NWD2: variants seen among roughly 807,000 people sequenced by gnomAD.
NWD2 encodes the protein NACHT and WD repeat domain containing 2, also known as NACHT and WD repeat domain-containing protein 2.
NWD2 carries 37 observed loss-of-function variants against 132.7 expected under a neutral mutation model. That is an observed-to-expected ratio of 0.28 (90% CI 0.21 to 0.37). The LOEUF is 0.37. Among genes scored for constraint, NWD2 ranks in the 10% least tolerant of loss-of-function variants. NWD2 has a pLI of 1.00. For missense variants in NWD2, 1,592 were observed against 2,122.4 expected (o/e 0.75, Z 4.91); for synonymous variants, 705 against 803.0 (o/e 0.88, Z 2.06).
At chr4:37,383,761 T>TA (rs1295314277) in intron 3 of NWD2, among the ~76,000 whole-genome samples, 2 of 152,174 alleles carry the variant, frequency 1.3e-5, no homozygotes, top group African/African-American at 2.4e-5. Flanking sequence ...CCATGGCTCT[T>TA]ACTTTGGACT....
At chr4:37,282,446 A>T (rs1718147023) in intron 1 of NWD2, among the ~76,000 whole-genome samples, 1 of 152,200 alleles carries the variant, frequency 6.6e-6, no homozygotes. Flanking sequence ...ATTTTTGCAC[A>T]GTAAATAGAG....
chr4:37,318,318 G>T (rs115491606), intron 1 of NWD2, among the ~76,000 whole-genome samples: 1 of 152,064 alleles, frequency 6.6e-6, no homozygotes, highest in Admixed American at 6.6e-5. Context: ...GAGCCACTGC[G>T]CCTGGCCAAT....
Position 37,444,649 on chromosome 4 carries a change from G to C in NWD2, c.2661G>C (p.Lys887Asn). 6.4e-7 allele frequency: 1 copy of C among 1,552,232 alleles called. No homozygotes were observed. Among genetic ancestry groups the C allele is most frequent in the Non-Finnish European group, 8.7e-7 (1 of 1,147,124 alleles). ...TGGCTTACAACTACTCGCAAGAGAA[G>C]GAGCTGAAGTTCCTGGCCAACACCC... is the stretch of plus-strand genomic sequence containing the variant. ...IELAYNYSQE[K>N]ELKFLANTLR... is the part of the protein sequence containing the mutation. Residue 887 changes from lysine (K) to asparagine (N), a missense_variant, in exon 7 of 7, where the codon AAG (lysine) becomes AAC (asparagine). By Grantham distance (94) the Lys-to-Asn change is moderately conservative. Around this residue, in one of 7 missense-constraint regions of NWD2, gnomAD observed 1,071 missense variants for 1,398.0 expected, o/e 0.77. Transcript: ENST00000309447. This position sits in a 1 kb window ranked among gnomAD's most constrained non-coding sequence, Gnocchi z 4.8.
chr4:37,370,665 C>T (rs1315329948), intron 3 of NWD2, among the ~76,000 whole-genome samples: 1 of 152,194 alleles, frequency 6.6e-6, no homozygotes, highest in African/African-American at 2.4e-5. Flanking sequence ...ATAGCAGTCT[C>T]AGTGAAGTAC....
chr4:37,361,058 G>A (rs1719972927), intron 3 of NWD2, among the ~76,000 whole-genome samples: 2 of 152,092 alleles, frequency 1.3e-5, no homozygotes, highest in South Asian at 4.1e-4. Flanking sequence ...ACACATCTAT[G>A]CACACAAACT....
At chr4:37,426,432 T>C (rs1006775755) in intron 3 of NWD2, among the ~76,000 whole-genome samples, 4 of 152,242 alleles carry the variant, frequency 2.6e-5, no homozygotes, top group African/African-American at 9.6e-5. Context: ...ATGTATTTGT[T>C]ATTTGAATGG....
In NWD2 at chr4:37,445,523, C is replaced by T. The variant is rs1192111248; in HGVS notation, c.3535C>T (p.Leu1179=). Residue 1179 remains leucine (L), a synonymous_variant, in exon 7 of 7, where the codon CTG becomes TTG. Transcript: ENST00000309447. This position sits in a 1 kb window ranked among gnomAD's most constrained non-coding sequence, Gnocchi z 4.7. ...TACTGAGGACATTTCCAGCCCCCAGCTGACTGATGACTTTGATTGCCGAAG... is the reference window on the plus strand; with the variant it reads ...TACTGAGGACATTTCCAGCCCCCAGTTGACTGATGACTTTGATTGCCGAAG... The part of the protein sequence containing the change: ...WNTEDISSPQ[L]TDDFDCRRED... 3.9e-6 allele frequency: 6 copies of T among 1,551,842 alleles called. No homozygotes were observed. Among genetic ancestry groups the T allele is most frequent in the Non-Finnish European group, 4.4e-6 (5 of 1,147,070 alleles).
In NWD2 at chr4:37,444,513, C is replaced by A. The variant is rs74640092; in HGVS notation, c.2525C>A (p.Thr842Lys). The A allele has an allele frequency of 6.4e-7, 1 of 1,551,752 alleles. No individual in the cohort carries two copies. ...ATGTCTGAGCTGTTGTACCACTTGA[C>A]GAGGTGTGGAAAAACCGATGACCTG... ...RKMSELLYHL[T>K]RCGKTDDLLY... is the part of the protein sequence containing the mutation. The change falls in exon 7 of 7, where the codon ACG becomes AAG. Residue 842 changes from threonine to lysine, a missense_variant. Transcript: ENST00000309447. This position sits in a 1 kb window ranked among gnomAD's most constrained non-coding sequence, Gnocchi z 4.8.
rs75154169 is a variant in NWD2 at position 37,292,550 on chromosome 4, C to T, written c.152-33386C>T. ...CCCACCATAAGATATTGTGTTATAG[C>T]GGCCTGAATGGGCTAAGAACTTTAC... On this transcript the variant is annotated intron_variant, in intron 1 of 6. Coordinates refer to ENST00000309447, the MANE Select transcript of NWD2 (RefSeq NM_001144990.2). Among the ~76,000 whole-genome samples the T allele has an allele frequency of 4.1e-3, 622 of 152,218 alleles. 8 individuals are homozygous for T. The highest frequency in any genetic ancestry group is 0.014 in the African/African-American group (574 of 41,534).
chr4:37,251,556 C>T (rs979201516), intron 1 of NWD2, among the ~76,000 whole-genome samples: 10 of 152,188 alleles, frequency 6.6e-5, no homozygotes, highest in African/African-American at 2.4e-4. Context: ...AGTATCACAG[C>T]TGCCCCTGAG....
intron 3 of NWD2, among the ~76,000 whole-genome samples, chr4:37,409,895 C>A (rs1473159764): frequency 6.6e-6 from 1 of 152,176 alleles, no homozygotes; most frequent in African/African-American, 2.4e-5. Flanking sequence ...AATTTCATAT[C>A]CAGCCAAACT....
intron 3 of NWD2, among the ~76,000 whole-genome samples, chr4:37,379,628 C>A (rs1337970200): frequency 1.3e-5 from 2 of 152,104 alleles, no homozygotes; most frequent in African/African-American, 4.8e-5. Context: ...TAACCCAGAC[C>A]GTACATGAGT....
At chr4:37,365,819 A>G (rs1720089433) in intron 3 of NWD2, among the ~76,000 whole-genome samples, 1 of 152,214 alleles carries the variant, frequency 6.6e-6, no homozygotes, top group African/African-American at 2.4e-5. Context: ...TAGTTGGTGT[A>G]AGAAAGCATT....
At chr4:37,363,887 G>A (rs1720032112) in intron 3 of NWD2, among the ~76,000 whole-genome samples, 1 of 152,032 alleles carries the variant, frequency 6.6e-6, no homozygotes, top group East Asian at 1.9e-4. Flanking sequence ...ACTTTGGGAG[G>A]CCAAGGCGGG....
chr4:37,246,758 A>G (rs1560375949), intron 1 of NWD2, among the ~76,000 whole-genome samples: 2 of 152,198 alleles, frequency 1.3e-5, no homozygotes, highest in African/African-American at 4.8e-5. Flanking sequence ...GTCATGTGAA[A>G]TGTGTTTCAA....
chr4:37,337,619 C>T (rs1159914625), intron 2 of NWD2, among the ~76,000 whole-genome samples: 1 of 152,198 alleles, frequency 6.6e-6, no homozygotes, highest in East Asian at 1.9e-4. Context: ...TGCTGAGGTT[C>T]CATCTCTCCT....
At chr4:37,419,108 C>T (rs1711726159) in intron 3 of NWD2, among the ~76,000 whole-genome samples, 1 of 152,106 alleles carries the variant, frequency 6.6e-6, no homozygotes, top group Admixed American at 6.5e-5. Flanking sequence ...CATCTACAAC[C>T]ATCTGATCTG....
intron 3 of NWD2, among the ~76,000 whole-genome samples, chr4:37,358,791 A>C (rs886129352): frequency 6.6e-6 from 1 of 152,230 alleles, no homozygotes; most frequent in African/African-American, 2.4e-5. Context: ...ATTATTATCT[A>C]TCACAGCTGC....
rs1450330756 is a variant in NWD2 at position 37,245,170 on chromosome 4, G to A, written c.103G>A (p.Val35Met). 3.2e-6 allele frequency: 5 copies of A among 1,545,064 alleles called. No homozygotes were observed. Among genetic ancestry groups the A allele is most frequent in the Non-Finnish European group, 4.4e-6 (5 of 1,146,158 alleles). ...CCTCACGGCCCTGCCCTCTCACCTC[G>A]TGCCCGCCGGCCGCAGCGTCCGGGT... The part of the protein sequence containing the change: ...GNLTALPSHL[V>M]PAGRSVRVFI... Residue 35 changes from valine to methionine, a missense_variant, in exon 1 of 7, where the codon GTG becomes ATG. Coordinates refer to ENST00000309447, the MANE Select transcript of NWD2 (RefSeq NM_001144990.2).
Sources: allele counts gnomAD v4.1 joint callset (sites outside exome capture counted in the v4.1 genomes callset), GRCh38; gene constraint gnomAD v4.1.1; regional missense constraint gnomAD v4.1.1; non-coding constraint Gnocchi (gnomAD v3.1); transcripts MANE v1.5; gene names NCBI Gene and HGNC (gene_info 2026-07-23, HGNC 2026-07-21).